The following NFX1 variants were observed in gnomAD, a reference collection of about 807,000 sequenced individuals.
The protein encoded by NFX1 is transcriptional repressor NF-X1.
A neutral mutation model predicts 137.2 loss-of-function variants in NFX1; 69 were observed. The ratio of observed to expected loss-of-function variants is 0.50; its 90% CI spans 0.41 to 0.61. The LOEUF (loss-of-function observed/expected upper bound fraction) is 0.61, where lower values mean the gene tolerates loss of function less well. Among genes scored for constraint, NFX1 ranks in the 20% least tolerant of loss-of-function variants. The probability of loss-of-function intolerance (pLI) is 0.00; values close to 1 mark genes in which losing one functional copy is unlikely to be tolerated. For missense variants in NFX1, 1,167 were observed against 1,391.0 expected (o/e 0.84, Z 2.56); for synonymous variants, 495 against 474.1 (o/e 1.04, Z -0.57).
chr9:33,304,101 T>C (rs1355168541), intron 4 of NFX1, among the ~76,000 whole-genome samples: 1 of 152,114 alleles, frequency 6.6e-6, no homozygotes, highest in African/African-American at 2.4e-5. Flanking sequence ...ACCCCGTCTC[T>C]ACTAAAATAA....
intron 11 of NFX1, among the ~76,000 whole-genome samples, chr9:33,334,217 G>T (rs1822915336): frequency 6.6e-6 from 1 of 152,146 alleles, no homozygotes; most frequent in Non-Finnish European, 1.5e-5. Flanking sequence ...TGCTTTGGGA[G>T]GCCAGGGCTG....
At chr9:33,296,136 AG>A (rs1187728420) in intron 2 of NFX1, among the ~76,000 whole-genome samples, 1 of 152,186 alleles carries the variant, frequency 6.6e-6, no homozygotes. Flanking sequence ...CATGTTGGCC[AG>A]GCTAGTCTCA....
chr9:33,291,361 GGTTT>G (rs762877353), intron 1 of NFX1, among the ~76,000 whole-genome samples: 2 of 152,178 alleles, frequency 1.3e-5, no homozygotes, highest in South Asian at 2.1e-4. Context: ...GAGGTTGGTT[GGTTT>G]GTTTTACAAT....
At chr9:33,337,190 T>C (rs1467526045) in intron 11 of NFX1, among the ~76,000 whole-genome samples, 3 of 152,192 alleles carry the variant, frequency 2.0e-5, no homozygotes. Context: ...ATGGGTTCCA[T>C]ATCCATGGAT....
At chr9:33,363,260 A>C (rs1474357975) in intron 19 of NFX1, among the ~76,000 whole-genome samples, 1 of 139,958 alleles carries the variant, frequency 7.1e-6, no homozygotes, top group Admixed American at 7.0e-5. Context: ...ATAATAAAGA[A>C]ATGTATTATT....
At chr9:33,329,085 G>A (rs1822704461) in intron 10 of NFX1, among the ~76,000 whole-genome samples, 1 of 152,164 alleles carries the variant, frequency 6.6e-6, no homozygotes, top group African/African-American at 2.4e-5. Context: ...CTACAAGGAG[G>A]TTACAGTTTT....
rs1252629447 is a variant in NFX1, at chr9:33,307,291, C to T, written c.1368C>T (p.Ser456=). The T allele has an allele frequency of 6.2e-7, 1 of 1,613,400 alleles. No homozygotes were observed. Among genetic ancestry groups the T allele is most frequent in the South Asian group, 1.1e-5 (1 of 91,008 alleles). ...AGCCTGGCCAGGACTGCCCACATTC[C>T]TGTAACCTGTAAGTTGGAATGCTAA... ...KKQPGQDCPH[S]CNLLCHPGPC... is the part of the protein sequence containing the mutation. The change falls in exon 5 of 24, where the codon TCC becomes TCT. Residue 456 remains serine, a synonymous_variant. Transcript: ENST00000379540.
intron 12 of NFX1, among the ~76,000 whole-genome samples, chr9:33,339,176 G>A (rs1018534629): frequency 6.6e-6 from 1 of 152,056 alleles, no homozygotes; most frequent in African/African-American, 2.4e-5. Context: ...GTGTATGTAT[G>A]TATTAGTCCA....
chr9:33,334,959 A>C (rs62542727), intron 11 of NFX1, among the ~76,000 whole-genome samples: 13,381 of 152,294 alleles, frequency 0.088, 752 homozygotes, highest in South Asian at 0.17. Flanking sequence ...TGTCATCATC[A>C]GTTGTCAACA....
rs1375994232 is a variant in NFX1 at position 33,301,322 on chromosome 9, G to T, written c.1093G>T (p.Val365Phe). The change falls in exon 3 of 24, where the codon GTT becomes TTT. Residue 365 changes from valine to phenylalanine, a missense_variant. This residue lies in a region of NFX1 where 488 missense variants were observed against 691.5 expected (regional missense o/e 0.71). Transcript: ENST00000379540. ...KYECMVCCEL[V>F]RVTAPVWSCQ... is the part of the protein sequence containing the mutation. Reference sequence around the variant, plus strand: ...CGAGTGCATGGTGTGCTGTGAATTGGTTCGTGTCACGGCCCCAGTGTGGAG... The same window carrying T: ...CGAGTGCATGGTGTGCTGTGAATTGTTTCGTGTCACGGCCCCAGTGTGGAG... 1 of 1,614,170 alleles carries T rather than the reference G, an allele frequency of 6.2e-7. No individual in the cohort carries two copies. Among genetic ancestry groups the T allele is most frequent in the Non-Finnish European group, 8.5e-7 (1 of 1,180,020 alleles).
chr9:33,290,673 T>C, intron 1 of NFX1, 76 bp downstream of exon 1: 1 of 1,440,764 alleles, frequency 6.9e-7, no homozygotes, highest in Non-Finnish European at 9.5e-7. Context: ...TTCTAGGGCC[T>C]CAGCCACTCA....
At position 33,342,759 on chromosome 9, in the gene NFX1, A is replaced by G. The variant is rs1237226647; in HGVS notation, c.2129A>G (p.Lys710Arg). ...NEICCVDKEH[K>R]CPLICGRKLR... ...CTCTTTTCCCAGGATAAGGAGCACA[A>G]GTGTCCTTTGATTTGTGGGAGGAAA... Residue 710 changes from lysine (K) to arginine (R), a missense_variant, in exon 13 of 24, where the codon AAG becomes AGG. Lys to Arg is a conservative substitution (Grantham distance 26, BLOSUM62 2). Around this residue, in one of 3 missense-constraint regions of NFX1, gnomAD observed 488 missense variants for 691.5 expected, o/e 0.71. Coordinates refer to ENST00000379540, the MANE Select transcript of NFX1 (RefSeq NM_002504.6). The G allele has an allele frequency of 3.7e-6, 6 of 1,612,540 alleles. No homozygotes were observed. The highest frequency in any genetic ancestry group is 8.5e-7 in the Non-Finnish European group (1 of 1,179,184).
rs1824287638 is a variant in NFX1, at chr9:33,370,238, T to C, written c.*260T>C. 3.0e-6 allele frequency: 1 copy of C among 336,616 alleles called. No individual in the cohort carries two copies. The highest frequency in any genetic ancestry group is 7.5e-5 in the South Asian group (1 of 13,390). The allele number at this position is 336,616 out of a possible 1,614,324, so 20.9% of individuals were successfully genotyped here. A position where few individuals can be genotyped will look rare whatever the true frequency, so the allele number is the denominator to read the frequency against. On this transcript the variant is annotated 3_prime_UTR_variant, in exon 24 of 24. Coordinates refer to ENST00000379540, the MANE Select transcript of NFX1 (RefSeq NM_002504.6). Reference sequence around the variant, plus strand: ...GCATTCAAAGAGGCTCTTTACACCATCACTGTGATTGCTCTGAGAGTTGAG... The same window carrying C: ...GCATTCAAAGAGGCTCTTTACACCACCACTGTGATTGCTCTGAGAGTTGAG...
intron 4 of NFX1, among the ~76,000 whole-genome samples, chr9:33,306,879 A>T (rs1207660173): frequency 6.6e-6 from 1 of 152,124 alleles, no homozygotes; most frequent in Admixed American, 6.5e-5. Flanking sequence ...GTCCAGTTAT[A>T]GACGACTTGT....
At chr9:33,298,722 T>C (rs897842784) in intron 2 of NFX1, among the ~76,000 whole-genome samples, 2 of 152,190 alleles carry the variant, frequency 1.3e-5, no homozygotes, top group African/African-American at 2.4e-5. Context: ...GGGTCAAGGC[T>C]GCAGTAAGTA....
chr9:33,310,993 A>C, intron 5 of NFX1, 113 bp from the exon 6 acceptor site: 2 of 840,980 alleles, frequency 2.4e-6, no homozygotes, highest in African/African-American at 1.7e-5. Flanking sequence ...ATACAAAGAC[A>C]TGTCATAGTA....
intron 19 of NFX1, among the ~76,000 whole-genome samples, chr9:33,360,939 C>T (rs2118680678): frequency 6.6e-6 from 1 of 152,260 alleles, no homozygotes; most frequent in South Asian, 2.1e-4. Flanking sequence ...TGAAATCTAG[C>T]TTTAAAAAAA....
In NFX1 at chr9:33,296,114, A is replaced by G. The variant is rs143939428; in HGVS notation, c.1033+687A>G. On this transcript the variant is annotated intron_variant, in intron 2 of 23. Transcript: ENST00000379540. ...GCTGATTTTTGTATTTTTAGTAGAA[A>G]TGGGGTTTCACCATGTTGGCCAGGC... 4.9e-4 allele frequency among the ~76,000 whole-genome samples: 74 copies of G among 152,194 alleles called. No homozygotes were observed. The East Asian group carries it at 0.014, about 28-fold the overall frequency.
chr9:33,326,982 T>C (rs772651192), intron 9 of NFX1, among the ~76,000 whole-genome samples: 6 of 151,718 alleles, frequency 4.0e-5, no homozygotes, highest in Non-Finnish European at 7.4e-5. Flanking sequence ...ATTAAGAAAA[T>C]AACTCAAAAC....
Sources: gnomAD v4.1 joint callset for allele counts (sites outside exome capture counted in the v4.1 genomes callset) on GRCh38, gnomAD v4.1.1 for gene constraint, gnomAD v4.1.1 regional missense constraint, MANE v1.5 for transcripts, NCBI Gene and HGNC (gene_info 2026-07-23, HGNC 2026-07-21) for gene names.